Variants in MYO3B observed in about 807,000 individuals in gnomAD.
MYO3B encodes myosin IIIB, also known as myosin-IIIb.
MYO3B carries 156 observed loss-of-function variants against 174.6 expected under a neutral mutation model. The ratio of observed to expected loss-of-function variants is 0.89; its 90% CI spans 0.78 to 1.02. MYO3B has a LOEUF of 1.02. Among genes scored for constraint, MYO3B ranks in the 50% least tolerant of loss-of-function variants. MYO3B has a pLI of 0.00. For synonymous variants in MYO3B, 563 were observed against 569.1 expected (o/e 0.99, Z 0.15); for missense variants, 1,632 against 1,639.4 (o/e 1.00, Z 0.08).
chr2:170,217,620 GAAGA>G (rs968405788), intron 6 of MYO3B, among the ~76,000 whole-genome samples: 4 of 152,150 alleles, frequency 2.6e-5, no homozygotes, highest in African/African-American at 9.7e-5. Context: ...CATGCAATTA[GAAGA>G]AAGTGTCCCT....
intron 28 of MYO3B, among the ~76,000 whole-genome samples, chr2:170,507,691 C>A (rs1044960536): frequency 6.6e-6 from 1 of 152,140 alleles, no homozygotes; most frequent in Non-Finnish European, 1.5e-5. Context: ...CTGTGCCTGG[C>A]CTGGGGCTGA....
intron 24 of MYO3B, among the ~76,000 whole-genome samples, chr2:170,464,511 T>A (rs1684497335): frequency 6.6e-6 from 1 of 152,096 alleles, no homozygotes. Context: ...GGGCAGGACT[T>A]GGGAGCCAGC....
chr2:170,449,565 G>A (rs1354296735), intron 23 of MYO3B, among the ~76,000 whole-genome samples: 4 of 152,226 alleles, frequency 2.6e-5, no homozygotes, highest in South Asian at 2.1e-4. Context: ...ATCACCTGAG[G>A]TCAGGAGCTT....
intron 7 of MYO3B, among the ~76,000 whole-genome samples, chr2:170,293,362 A>G (rs901043162): frequency 9.2e-5 from 14 of 152,036 alleles, no homozygotes; most frequent in African/African-American, 3.4e-4. Flanking sequence ...GCTTGTTCTA[A>G]TGTTTATTCT....
chr2:170,342,499 G>A (rs1172909410), intron 8 of MYO3B, among the ~76,000 whole-genome samples: 2 of 151,076 alleles, frequency 1.3e-5, no homozygotes, highest in African/African-American at 2.4e-5. Context: ...TATAGTGTGT[G>A]TATCCAGCTG....
intron 7 of MYO3B, among the ~76,000 whole-genome samples, chr2:170,278,124 A>G (rs944221082): frequency 9.9e-5 from 15 of 152,196 alleles, no homozygotes; most frequent in Non-Finnish European, 2.2e-4. Context: ...TCCAGTGCAC[A>G]AAGCATTATG....
chr2:170,465,555 GGTA>G (rs1490248152), intron 24 of MYO3B, among the ~76,000 whole-genome samples: 1 of 152,096 alleles, frequency 6.6e-6, no homozygotes, highest in Non-Finnish European at 1.5e-5. Context: ...TCATCCTCCT[GGTA>G]ACCCTTGGTG....
chr2:170,377,704 G>A (rs1299324790), intron 9 of MYO3B, among the ~76,000 whole-genome samples: 1 of 152,122 alleles, frequency 6.6e-6, no homozygotes, highest in African/African-American at 2.4e-5. Context: ...AGCCAGCCTT[G>A]GCAGCCAACA....
chr2:170,334,732 G>A (rs1438850659), intron 7 of MYO3B: 3 of 151,706 alleles, frequency 2.0e-5, no homozygotes, highest in Non-Finnish European at 4.4e-5. Flanking sequence ...CTCACCAAGA[G>A]GTTGTCTGCT....
intron 8 of MYO3B, among the ~76,000 whole-genome samples, chr2:170,355,669 T>C (rs1369729440): frequency 2.6e-5 from 4 of 152,228 alleles, no homozygotes; most frequent in Admixed American, 6.5e-5. Context: ...GAGTTACTTT[T>C]GATTCATGGG....
chr2:170,551,765 C>G (rs79003727), intron 32 of MYO3B, among the ~76,000 whole-genome samples: 2 of 152,056 alleles, frequency 1.3e-5, no homozygotes, highest in East Asian at 3.9e-4. Flanking sequence ...TGTCCCCACC[C>G]AAATCTCATG....
At chr2:170,483,643 C>T (rs1685846905) in intron 25 of MYO3B, among the ~76,000 whole-genome samples, 2 of 151,862 alleles carry the variant, frequency 1.3e-5, no homozygotes, top group Non-Finnish European at 2.9e-5. Context: ...GCCTCGGCCT[C>T]CCAAGGATTC....
intron 22 of MYO3B, among the ~76,000 whole-genome samples, chr2:170,438,526 G>A (rs191989063): frequency 1.3e-5 from 2 of 152,156 alleles, no homozygotes; most frequent in Non-Finnish European, 2.9e-5. Context: ...CATAGCAGCT[G>A]CACCATTTTA....
chr2:170,435,495 AG>A (rs1187722927), intron 22 of MYO3B, among the ~76,000 whole-genome samples: 1 of 152,216 alleles, frequency 6.6e-6, no homozygotes, highest in East Asian at 1.9e-4. Context: ...TAATGGAGAC[AG>A]GAATTACACA....
intron 6 of MYO3B, among the ~76,000 whole-genome samples, chr2:170,221,007 G>A (rs970762133): frequency 3.3e-5 from 5 of 152,162 alleles, no homozygotes; most frequent in African/African-American, 1.2e-4. Flanking sequence ...CCATAGGAAT[G>A]TCCACAAGAA....
At chr2:170,569,635 G>A (rs535842302) in intron 32 of MYO3B, among the ~76,000 whole-genome samples, 1 of 151,662 alleles carries the variant, frequency 6.6e-6, no homozygotes. Context: ...GCCAAGATGG[G>A]CAGATCACTT....
intron 6 of MYO3B, among the ~76,000 whole-genome samples, chr2:170,232,533 A>G (rs936815093): frequency 1.3e-5 from 2 of 152,228 alleles, no homozygotes; most frequent in Admixed American, 1.3e-4. Flanking sequence ...AACAATTTTA[A>G]CCAACTGTAA....
chr2:170,506,345 G>T, intron 28 of MYO3B, among the ~76,000 whole-genome samples: 1 of 152,190 alleles, frequency 6.6e-6, no homozygotes, highest in East Asian at 1.9e-4. Context: ...TTTTCAAAAG[G>T]CTGTTTAAAA....
chr2:170,233,200 G>A (rs2093032561), intron 6 of MYO3B, among the ~76,000 whole-genome samples: 1 of 152,172 alleles, frequency 6.6e-6, no homozygotes, highest in Non-Finnish European at 1.5e-5. Flanking sequence ...AGCATTTAGA[G>A]CCCATATCCT....
Sources: gnomAD v4.1 joint callset for allele counts (sites outside exome capture counted in the v4.1 genomes callset) on GRCh38, gnomAD v4.1.1 for gene constraint, MANE v1.5 for transcripts, NCBI Gene and HGNC (gene_info 2026-07-23, HGNC 2026-07-21) for gene names.